The following TENM4 variants were observed in gnomAD, a reference collection of about 807,000 sequenced individuals.
TENM4 encodes the protein teneurin-4.
TENM4 carries 82 observed loss-of-function variants against 243.3 expected under a neutral mutation model. That is an observed-to-expected ratio of 0.34 (90% confidence interval 0.28 to 0.40). The LOEUF (loss-of-function observed/expected upper bound fraction) is 0.40, where lower values mean the gene tolerates loss of function less well. TENM4 is among the 10% of genes least tolerant of loss of function. The pLI, the probability that TENM4 is intolerant of heterozygous loss-of-function variation, is 1.00. For synonymous variants in TENM4, 1,412 were observed against 1,456.3 expected (o/e 0.97, Z 0.69); for missense variants, 3,138 against 3,673.3 (o/e 0.85, Z 3.77).
At chr11:79,349,215 T>C (rs1409574905) in intron 1 of TENM4, among the ~76,000 whole-genome samples, 1 of 152,182 alleles carries the variant, frequency 6.6e-6, no homozygotes, top group East Asian at 1.9e-4. Flanking sequence ...GAGCAGCTCC[T>C]ATGTGAGGTT....
intron 8 of TENM4, 113 bp downstream of exon 8, chr11:78,891,125 C>T (rs764857420): frequency 1.4e-5 from 13 of 915,236 alleles, no homozygotes; most frequent in Non-Finnish European, 2.2e-5. Flanking sequence ...GATGAGCATG[C>T]CACATGGATC....
At chr11:78,696,012 T>C (rs1184256095) in intron 28 of TENM4, among the ~76,000 whole-genome samples, 1 of 152,082 alleles carries the variant, frequency 6.6e-6, no homozygotes, top group African/African-American at 2.4e-5. Context: ...GGAATTCCAA[T>C]TACATGTATA....
At chr11:78,750,089 G>T (rs541371679) in intron 19 of TENM4, among the ~76,000 whole-genome samples, 1 of 152,248 alleles carries the variant, frequency 6.6e-6, no homozygotes, top group African/African-American at 2.4e-5. Context: ...GATTGTCCTG[G>T]AAAGTTATGC....
intron 1 of TENM4, among the ~76,000 whole-genome samples, chr11:79,358,653 T>G (rs12363690): frequency 0.21 from 31,201 of 150,412 alleles, 4,028 homozygotes; most frequent in East Asian, 0.31. Flanking sequence ...CTGCCTGCCT[T>G]CCTTCTTTCT....
chr11:79,113,282 T>G (rs1861544336), intron 4 of TENM4, among the ~76,000 whole-genome samples: 1 of 149,604 alleles, frequency 6.7e-6, no homozygotes, highest in Admixed American at 6.7e-5. Flanking sequence ...TGTCTTGGAG[T>G]GGATCCAAGA....
chr11:78,951,558 C>A (rs183827268), intron 6 of TENM4, among the ~76,000 whole-genome samples: 1 of 152,168 alleles, frequency 6.6e-6, no homozygotes, highest in Admixed American at 6.5e-5. Context: ...GTTCTGAAGG[C>A]TGGGAAGTCC....
rs536312535 is a variant in TENM4, at chr11:79,403,027, T to C, written c.-321+37482A>G. Among the ~76,000 whole-genome samples the C allele has an allele frequency of 3.3e-5, 5 of 152,352 alleles. No individual in the cohort carries two copies. The South Asian group carries it at 1.0e-3, about 32-fold the overall frequency. Reference sequence around the variant, plus strand: ...TGAAATATTTGTAGGCACATTTTATTTTCCCTTCTGGCAGGTCATGATGAC... The same window carrying C: ...TGAAATATTTGTAGGCACATTTTATCTTCCCTTCTGGCAGGTCATGATGAC... On this transcript the variant is annotated intron_variant, in intron 1 of 33. Transcript: ENST00000278550.
At chr11:79,049,283 A>G (rs1859738799) in intron 6 of TENM4, among the ~76,000 whole-genome samples, 1 of 152,204 alleles carries the variant, frequency 6.6e-6, no homozygotes. Flanking sequence ...CCCCCTACTC[A>G]GGACGCATCA....
At chr11:79,278,375 G>A (rs570400878) in intron 2 of TENM4, among the ~76,000 whole-genome samples, 10 of 152,242 alleles carry the variant, frequency 6.6e-5, no homozygotes, top group African/African-American at 1.2e-4. Context: ...TCAATTTGAC[G>A]GCTGTCCTAC....
intron 2 of TENM4, among the ~76,000 whole-genome samples, chr11:79,295,896 AACACACACACACAC>A (rs199711050): frequency 2.3e-5 from 3 of 130,912 alleles, no homozygotes; most frequent in African/African-American, 5.9e-5. Flanking sequence ...CCAGGGATTA[AACACACACACACAC>A]ACACACACAC....
chr11:79,219,524 C>G (rs1181795837), intron 2 of TENM4, among the ~76,000 whole-genome samples: 1 of 152,160 alleles, frequency 6.6e-6, no homozygotes, highest in Non-Finnish European at 1.5e-5. Context: ...GTTATTTAGC[C>G]TTCTAAATAA....
At chr11:78,738,363 T>C in intron 20 of TENM4, 88 bp downstream of exon 20, 7 of 1,502,322 alleles carry the variant, frequency 4.7e-6, no homozygotes, top group African/African-American at 1.4e-5. Flanking sequence ...ACCCATCCTC[T>C]TTCCACATTA....
At chr11:79,425,257 A>T (rs994001148) in intron 1 of TENM4, among the ~76,000 whole-genome samples, 1 of 152,134 alleles carries the variant, frequency 6.6e-6, no homozygotes, top group Non-Finnish European at 1.5e-5. Context: ...TTTCAGGAGG[A>T]CATTGAGTCC....
At chr11:78,709,121 C>G (rs1262046708) in intron 26 of TENM4, among the ~76,000 whole-genome samples, 1 of 148,472 alleles carries the variant, frequency 6.7e-6, no homozygotes, top group Non-Finnish European at 1.5e-5. Context: ...GCATGCGCCA[C>G]CATGCCTGGC....
In TENM4 at chr11:78,916,997, A is replaced by G. The variant is rs112034766; in HGVS notation, c.494-13474T>C. Among the ~76,000 whole-genome samples, 983 of 152,342 alleles carry G rather than the reference A, an allele frequency of 6.5e-3. 2 individuals are homozygous for G. Among genetic ancestry groups the G allele is most frequent in the Middle Eastern group, 0.024 (7 of 294 alleles). ...AAATTAATTCTGAAGTACCTCGGCT[A>G]CATGCACTGAGCAATTTATTAAATG... On this transcript the variant is annotated intron_variant, in intron 6 of 33. Transcript: ENST00000278550.
rs146422557 is a variant in TENM4, at chr11:78,890,183, G to A, written c.849-163C>T. On this transcript the variant is annotated intron_variant, in intron 8 of 33. Transcript: ENST00000278550. ...AAAGGACAGGAACAAGGAGAGCTAC[G>A]GACTAGACCATGGAACAGGGCACAC... 1.1e-3 allele frequency among the ~76,000 whole-genome samples: 166 copies of A among 152,112 alleles called. 2 individuals are homozygous for A. Among genetic ancestry groups the A allele is most frequent in the Admixed American group, 9.2e-3 (140 of 15,286 alleles).
chr11:79,280,193 G>T (rs1311255638), intron 2 of TENM4, among the ~76,000 whole-genome samples: 1 of 152,156 alleles, frequency 6.6e-6, no homozygotes, highest in African/African-American at 2.4e-5. Flanking sequence ...ATTATTAATA[G>T]CTGAAGATAC....
At chr11:79,112,217 T>C (rs1021962566) in intron 4 of TENM4, among the ~76,000 whole-genome samples, 11 of 152,230 alleles carry the variant, frequency 7.2e-5, no homozygotes, top group African/African-American at 2.7e-4. Flanking sequence ...AATTTATATA[T>C]GCTTGTGCAT....
rs189933843 is a variant in TENM4 at position 78,916,031 on chromosome 11, A to T, written c.494-12508T>A. Reference sequence around the variant, plus strand: ...GGATCAAATCTCACCTGCCCTGCATACACACTGGTCATATTACAGACCTTT... The same window carrying T: ...GGATCAAATCTCACCTGCCCTGCATTCACACTGGTCATATTACAGACCTTT... On this transcript the variant is annotated intron_variant, in intron 6 of 33. Transcript: ENST00000278550. Among the ~76,000 whole-genome samples, 286 of 152,320 alleles carry T rather than the reference A, an allele frequency of 1.9e-3. 2 individuals carry two copies. The highest frequency in any genetic ancestry group is 6.6e-3 in the African/African-American group (275 of 41,570).
Sources: gnomAD v4.1 joint callset for allele counts (sites outside exome capture counted in the v4.1 genomes callset) on GRCh38, gnomAD v4.1.1 for gene constraint, MANE v1.5 for transcripts, NCBI Gene and HGNC (gene_info 2026-07-23, HGNC 2026-07-21) for gene names.